Variants in NUP54 observed in about 807,000 individuals in gnomAD.
The protein encoded by NUP54 is nucleoporin p54.
Under a neutral mutation model 66.4 loss-of-function variants are expected in NUP54, and 27 were observed. The ratio of observed to expected loss-of-function variants is 0.41; its 90% CI spans 0.30 to 0.56. The LOEUF is 0.56. Ranked by LOEUF, NUP54 falls within the 20% of genes least tolerant of loss-of-function variation. NUP54 has a pLI of 0.34. For synonymous variants in NUP54, 206 were observed against 210.7 expected (o/e 0.98, Z 0.19); for missense variants, 486 against 596.3 (o/e 0.82, Z 1.93).
chr4:76,125,328 A>G (rs1730427544), intron 8 of NUP54, among the ~76,000 whole-genome samples: 1 of 139,880 alleles, frequency 7.1e-6, no homozygotes, highest in Non-Finnish European at 1.6e-5. Context: ...ACACACACAC[A>G]CACACACACA....
At chr4:76,120,018 ATTT>A (rs1295783850) in intron 9 of NUP54, among the ~76,000 whole-genome samples, 1 of 152,170 alleles carries the variant, frequency 6.6e-6, no homozygotes, top group Non-Finnish European at 1.5e-5. Context: ...CTAATTTGTT[ATTT>A]TTAATGGCTG....
intron 3 of NUP54, 41 bp downstream of exon 3, chr4:76,144,108 C>A: frequency 1.2e-6 from 2 of 1,604,528 alleles, no homozygotes; most frequent in Non-Finnish European, 1.7e-6. Flanking sequence ...CAGCTAGTAT[C>A]ATCACGGTTT....
intron 1 of NUP54, chr4:76,147,741 C>T: frequency 2.2e-6 from 2 of 906,678 alleles, no homozygotes; most frequent in South Asian, 1.6e-5. Flanking sequence ...GGAGGTTTCA[C>T]AGAAGTGAAC....
chr4:76,140,807 A>G (rs1011987498), intron 3 of NUP54, among the ~76,000 whole-genome samples: 1 of 152,216 alleles, frequency 6.6e-6, no homozygotes, highest in Non-Finnish European at 1.5e-5. Context: ...TTCTCAAGCA[A>G]TATCTACACA....
intron 3 of NUP54, among the ~76,000 whole-genome samples, chr4:76,143,279 A>C (rs1731342753): frequency 1.3e-5 from 2 of 152,216 alleles, no homozygotes; most frequent in Admixed American, 6.5e-5. Context: ...ACTCTATAGG[A>C]TAAATGATCT....
intron 1 of NUP54, chr4:76,145,571 T>C (rs1731463836): frequency 1.0e-5 from 13 of 1,276,044 alleles, no homozygotes; most frequent in Non-Finnish European, 1.2e-5. Flanking sequence ...ACAACAAGAA[T>C]GTGTTTCTTG....
At chr4:76,131,518 T>C (rs754562699) in intron 6 of NUP54, among the ~76,000 whole-genome samples, 1 of 151,740 alleles carries the variant, frequency 6.6e-6, no homozygotes, top group Non-Finnish European at 1.5e-5. Context: ...CTCCAGAATA[T>C]AGAAAGAGTT....
intron 9 of NUP54, among the ~76,000 whole-genome samples, chr4:76,120,719 G>A (rs1284600622): frequency 3.9e-5 from 6 of 152,096 alleles, no homozygotes; most frequent in Non-Finnish European, 7.4e-5. Flanking sequence ...GAGCCACTGC[G>A]CCCGGCCAGG....
At chr4:76,143,938 TC>T (rs1731373879) in intron 3 of NUP54, among the ~76,000 whole-genome samples, 1 of 152,226 alleles carries the variant, frequency 6.6e-6, no homozygotes, top group South Asian at 2.1e-4. Flanking sequence ...AATGGAATGA[TC>T]CTAAACACAG....
chr4:76,148,286 A>C, intron 1 of NUP54, 22 bp downstream of exon 1: 1 of 1,367,528 alleles, frequency 7.3e-7, no homozygotes, highest in Non-Finnish European at 9.5e-7. Flanking sequence ...TTCCCGGGTG[A>C]AGGTCTAGGG....
intron 8 of NUP54, among the ~76,000 whole-genome samples, chr4:76,126,034 T>C (rs1380347353): frequency 6.6e-6 from 1 of 152,182 alleles, no homozygotes; most frequent in Non-Finnish European, 1.5e-5. Flanking sequence ...GGTGTCTTAA[T>C]AGACAATTAG....
chr4:76,134,734 A>ATTG (rs75700097), intron 4 of NUP54, among the ~76,000 whole-genome samples: 72,838 of 151,680 alleles, frequency 0.48, 18,498 homozygotes, highest in East Asian at 0.89. Context: ...CACTATACAG[A>ATTG]TTCTCAACTT....
intron 11 of NUP54, among the ~76,000 whole-genome samples, chr4:76,116,576 G>A (rs1304940614): frequency 3.9e-5 from 6 of 152,170 alleles, no homozygotes; most frequent in Non-Finnish European, 7.4e-5. Flanking sequence ...GTGGTTGGAG[G>A]TTCTGGCCAC....
intron 1 of NUP54, chr4:76,147,421 C>T: frequency 8.6e-7 from 1 of 1,163,314 alleles, no homozygotes; most frequent in Non-Finnish European, 1.1e-6. Flanking sequence ...CCAGGAACCA[C>T]AATATTCTTG....
chr4:76,135,468 T>C (rs1224941845), intron 4 of NUP54, among the ~76,000 whole-genome samples: 2 of 152,344 alleles, frequency 1.3e-5, no homozygotes, highest in Admixed American at 6.5e-5. Flanking sequence ...GCACTCAATA[T>C]ACTTTTTGTT....
At chr4:76,131,113 C>A in intron 7 of NUP54, 117 bp downstream of exon 7, 1 of 725,422 alleles carries the variant, frequency 1.4e-6, no homozygotes, top group Non-Finnish European at 2.4e-6. Context: ...TTTTAAAGGC[C>A]AGGAAAATGA....
chr4:76,128,918 A>C (rs554747636), intron 8 of NUP54, among the ~76,000 whole-genome samples: 2 of 152,346 alleles, frequency 1.3e-5, no homozygotes, highest in Non-Finnish European at 2.9e-5. Context: ...AATAGTGGCT[A>C]CTAGAGGTGG....
At chr4:76,119,459 T>C (rs1384913953) in intron 9 of NUP54, among the ~76,000 whole-genome samples, 6 of 151,996 alleles carry the variant, frequency 3.9e-5, no homozygotes, top group Non-Finnish European at 8.8e-5. Context: ...ATCGATCTCC[T>C]AGGCTCAAGC....
chr4:76,134,834 TTTA>T (rs112244513), intron 4 of NUP54, among the ~76,000 whole-genome samples: 14 of 152,224 alleles, frequency 9.2e-5, no homozygotes, highest in African/African-American at 3.4e-4. Flanking sequence ...TCTTTTAGTT[TTTA>T]TTATAAAATT....
Sources: allele counts gnomAD v4.1 joint callset (sites outside exome capture counted in the v4.1 genomes callset), GRCh38; gene constraint gnomAD v4.1.1; transcripts MANE v1.5; gene names NCBI Gene and HGNC (gene_info 2026-07-23, HGNC 2026-07-21).